PRXL2A: variants seen among roughly 807,000 people sequenced by gnomAD.
The protein encoded by PRXL2A is peroxiredoxin-like 2A.
PRXL2A carries 26 observed loss-of-function variants against 25.6 expected under a neutral mutation model. The ratio of observed to expected loss-of-function variants is 1.02; its 90% CI spans 0.74 to 1.41. The LOEUF is 1.41. Among genes scored for constraint, PRXL2A ranks in the 40% most tolerant of loss-of-function variants. The pLI, the probability that PRXL2A is intolerant of heterozygous loss-of-function variation, is 0.00. For synonymous variants in PRXL2A, 98 were observed against 102.9 expected (o/e 0.95, Z 0.29); for missense variants, 246 against 273.9 (o/e 0.90, Z 0.72).
rs113169854 is a variant in PRXL2A at position 80,435,561 on chromosome 10, C to G, written c.*3462C>G. The G allele has an allele frequency of 8.4e-6, 1 of 118,506 alleles. No individual in the cohort carries two copies. The highest frequency in any genetic ancestry group is 2.8e-5 in the African/African-American group (1 of 35,328). The allele number at this position is 118,506 out of a possible 1,614,324, so 7.3% of individuals were successfully genotyped here. A position where few individuals can be genotyped will look rare whatever the true frequency, so the allele number is the denominator to read the frequency against. ...TAGTGGCCCCAGTCATGGCTCACTG[C>G]AGCTGCAAACTGGCTGCAAGCTGTT... On this transcript the variant is annotated 3_prime_UTR_variant, in exon 6 of 6. Coordinates refer to ENST00000606162, the MANE Select transcript of PRXL2A (RefSeq NM_032333.5).
intron 4 of PRXL2A, 92 bp from the exon 5 acceptor site, chr10:80,427,240 C>T: frequency 4.4e-6 from 5 of 1,141,298 alleles, no homozygotes; most frequent in Non-Finnish European, 6.4e-6. Flanking sequence ...GAGTCTTTGC[C>T]TGAGAACCAA....
At chr10:80,427,676 C>A (rs1845096878) in intron 5 of PRXL2A, among the ~76,000 whole-genome samples, 180 bp downstream of exon 5, 1 of 152,204 alleles carries the variant, frequency 6.6e-6, no homozygotes, top group African/African-American at 2.4e-5. Flanking sequence ...ACACATCATT[C>A]TCTGCTAGTA....
chr10:80,430,498 T>G (rs749278922), intron 5 of PRXL2A, among the ~76,000 whole-genome samples: 2 of 152,156 alleles, frequency 1.3e-5, no homozygotes, highest in Non-Finnish European at 2.9e-5. Flanking sequence ...ATAAAAAAGT[T>G]TAGCCGGCGT....
chr10:80,420,086 A>G, intron 1 of PRXL2A: 1 of 988,268 alleles, frequency 1.0e-6, no homozygotes, highest in Non-Finnish European at 1.2e-6. Context: ...TCAGGCATTG[A>G]TGAGGAGGGG....
chr10:80,426,960 G>T (rs1434493772), intron 4 of PRXL2A, among the ~76,000 whole-genome samples: 1 of 151,810 alleles, frequency 6.6e-6, no homozygotes, highest in African/African-American at 2.4e-5. Flanking sequence ...CTTGGCCAAC[G>T]TGGTGAAACC....
In PRXL2A at chr10:80,432,142, C is replaced by T. The variant is rs1427417461; in HGVS notation, c.*43C>T. The T allele has an allele frequency of 3.3e-6, 4 of 1,216,648 alleles. No individual in the cohort carries two copies. Among genetic ancestry groups the T allele is most frequent in the Non-Finnish European group, 3.6e-6 (3 of 832,514 alleles). 75.4% of individuals were successfully genotyped at this position (1,216,648 alleles called of 1,614,324 possible). Reference sequence around the variant, plus strand: ...GCTCAGGGATAACCAGGGACATTCACCTGTGTTCATGGGATGTATTGTTTC... The same window carrying T: ...GCTCAGGGATAACCAGGGACATTCATCTGTGTTCATGGGATGTATTGTTTC... On this transcript the variant is annotated 3_prime_UTR_variant, in exon 6 of 6. Transcript: ENST00000606162.
At chr10:80,428,769 G>A (rs577796718) in intron 5 of PRXL2A, among the ~76,000 whole-genome samples, 7 of 152,302 alleles carry the variant, frequency 4.6e-5, no homozygotes, top group Non-Finnish European at 7.4e-5. Flanking sequence ...TGACATTAAC[G>A]TGTAGAAAGT....
At chr10:80,430,979 T>C (rs1256581708) in intron 5 of PRXL2A, among the ~76,000 whole-genome samples, 1 of 152,146 alleles carries the variant, frequency 6.6e-6, no homozygotes, top group Non-Finnish European at 1.5e-5. Context: ...AACCTCCGCC[T>C]CCCAGCCTCC....
rs766706659 is a variant in PRXL2A, at chr10:80,427,489, G to A, written c.569G>A (p.Gly190Glu). The part of the protein sequence containing the change: ...ILGGVFVVGS[G>E]KQGILLEHRE... ...GGGGGAGTTTTCGTGGTGGGATCAG[G>A]AAAGCAGGTGAGTTCTTGGTGTTTA... is the stretch of plus-strand genomic sequence containing the variant. Residue 190 changes from glycine to glutamate, a missense_variant, in exon 5 of 6, where the codon GGA (glycine) becomes GAA (glutamate). Physicochemically the swap from Gly to Glu is moderately conservative, Grantham distance 98. Transcript: ENST00000606162. The A allele has an allele frequency of 4.3e-6, 7 of 1,613,990 alleles. No individual in the cohort carries two copies. In the African/African-American group the frequency reaches 8.0e-5, roughly 18 times the overall value.
chr10:80,420,481 A>C lies in PRXL2A; in HGVS notation c.14A>C (p.Gln5Pro), dbSNP rs749351563. The change falls in exon 2 of 6, where the codon CAG becomes CCG. Residue 5 changes from glutamine to proline, a missense_variant. Gln to Pro is a moderately conservative substitution (Grantham distance 76). Coordinates refer to ENST00000606162, the MANE Select transcript of PRXL2A (RefSeq NM_032333.5). ...CAATCTCCAGAAATGTCTTTCCTCC[A>C]GGACCCAAGTTTCTTCACCATGGGG... is the stretch of plus-strand genomic sequence containing the variant. The part of the protein sequence containing the change: MSFL[Q>P]DPSFFTMGMW... 1.3e-6 allele frequency: 2 copies of C among 1,591,836 alleles called. No homozygotes were observed.
At chr10:80,415,805 C>T (rs147964069) in intron 1 of PRXL2A, among the ~76,000 whole-genome samples, 13 of 152,340 alleles carry the variant, frequency 8.5e-5, no homozygotes, top group Non-Finnish European at 1.5e-4. Flanking sequence ...ACGCCCATCA[C>T]TGGACAGTGG....
At chr10:80,428,737 C>T (rs1845135229) in intron 5 of PRXL2A, among the ~76,000 whole-genome samples, 1 of 143,322 alleles carries the variant, frequency 7.0e-6, no homozygotes, top group African/African-American at 3.0e-5. Context: ...ACTTCTAGGC[C>T]TGTCTCTGTC....
intron 4 of PRXL2A, among the ~76,000 whole-genome samples, chr10:80,426,779 A>C (rs974170274): frequency 3.9e-5 from 6 of 152,172 alleles, no homozygotes; most frequent in African/African-American, 9.7e-5. Flanking sequence ...TACGGATGTC[A>C]CCCTAGGTCA....
intron 2 of PRXL2A, among the ~76,000 whole-genome samples, chr10:80,422,133 A>G (rs976779106): frequency 1.3e-5 from 2 of 152,178 alleles, no homozygotes; most frequent in Non-Finnish European, 2.9e-5. Flanking sequence ...TTTTCCAGAA[A>G]TGTCCCACTT....
chr10:80,411,725 C>T (rs1322573891), intron 1 of PRXL2A, among the ~76,000 whole-genome samples: 1 of 152,144 alleles, frequency 6.6e-6, no homozygotes, highest in East Asian at 1.9e-4. Flanking sequence ...GATGAAGCAT[C>T]CTTTCAAGAC....
chr10:80,429,659 TCCCTGCCCCTAGCCTCTCCTGCCCTG>T (rs1845180168), intron 5 of PRXL2A, among the ~76,000 whole-genome samples: 2 of 111,620 alleles, frequency 1.8e-5, no homozygotes, highest in Admixed American at 9.9e-5. Flanking sequence ...CTCCTGCCCT[TCCCTGCCCCTAGCCTCTCCTGCCCTG>T]CCCTGCCCCT....
In PRXL2A at chr10:80,419,986, G is replaced by C. The variant is rs568449672; in HGVS notation, c.-2-480G>C. On this transcript the variant is annotated intron_variant, in intron 1 of 5. Coordinates refer to ENST00000606162, the MANE Select transcript of PRXL2A (RefSeq NM_032333.5). The stretch of plus-strand genomic sequence containing the variant: ...GAAGATAGGGGAACAAAACAGTGCG[G>C]TTGGTGTTCTAAGTATCCTCTGATC... 1.1e-4 allele frequency: 111 copies of C among 985,514 alleles called. No individual in the cohort carries two copies. The African/African-American group carries it at 1.8e-3, about 16-fold the overall frequency. The allele number at this position is 985,514 out of a possible 1,614,324, so 61.0% of individuals were successfully genotyped here.
At chr10:80,417,343 T>A (rs1844697130) in intron 1 of PRXL2A, among the ~76,000 whole-genome samples, 1 of 152,226 alleles carries the variant, frequency 6.6e-6, no homozygotes, top group Non-Finnish European at 1.5e-5. Flanking sequence ...GCTAGTACCT[T>A]ATCAGTTAAT....
chr10:80,409,217 G>T (rs982872649), intron 1 of PRXL2A: 2 of 274,364 alleles, frequency 7.3e-6, no homozygotes, highest in African/African-American at 4.6e-5. Flanking sequence ...TTTAAATTGG[G>T]TAGAGCCCAG....
Sources: allele counts gnomAD v4.1 joint callset (sites outside exome capture counted in the v4.1 genomes callset), GRCh38; gene constraint gnomAD v4.1.1; transcripts MANE v1.5; gene names NCBI Gene and HGNC (gene_info 2026-07-23, HGNC 2026-07-21).